The following CALD1 variants were observed in gnomAD, a reference collection of about 807,000 sequenced individuals.
The protein encoded by CALD1 is caldesmon 1, also known as caldesmon.
CALD1 carries 33 observed loss-of-function variants against 99.9 expected under a neutral mutation model. The ratio of observed to expected loss-of-function variants is 0.33; its 90% CI spans 0.25 to 0.44. The LOEUF is 0.44. Among genes scored for constraint, CALD1 ranks in the 20% least tolerant of loss-of-function variants. The pLI is 1.00. For missense variants in CALD1, 861 were observed against 962.1 expected (o/e 0.89, Z 1.39); for synonymous variants, 310 against 325.0 (o/e 0.95, Z 0.50).
rs1053708648 is a variant in CALD1, at chr7:134,887,797, C to T, written c.71+19993C>T. 6.1e-5 allele frequency among the ~76,000 whole-genome samples: 8 copies of T among 130,820 alleles called. No homozygotes were observed. The South Asian group carries it at 9.5e-4, about 16-fold the overall frequency. 85.8% of individuals were successfully genotyped at this position (130,820 alleles called of 152,430 possible). On this transcript the variant is annotated intron_variant, in intron 3 of 14. Coordinates refer to ENST00000361675, the MANE Select transcript of CALD1 (RefSeq NM_033138.4). The stretch of plus-strand genomic sequence containing the variant: ...GTATGTGTGTGCATGTGTATGTGTG[C>T]GCATGTGTATGTGTGTGCATGTGTG...
Position 134,779,744 on chromosome 7 carries a change from T to A in CALD1, c.-135T>A. The A allele has an allele frequency of 2.5e-6, 1 of 398,610 alleles. No homozygotes were observed. 24.7% of individuals were successfully genotyped at this position (398,610 alleles called of 1,614,324 possible). On this transcript the variant is annotated 5_prime_UTR_variant, in exon 1 of 15. Coordinates refer to ENST00000361675, the MANE Select transcript of CALD1 (RefSeq NM_033138.4). ...TAGTCCTCGGGAAGAAGTTTCAGAC[T>A]ACAAGGTAAGGCACAGAAGGCTTTC... is the stretch of plus-strand genomic sequence containing the variant.
chr7:134,731,017 T>G, the CALD1 span, among the ~76,000 whole-genome samples: 1 of 152,102 alleles, frequency 6.6e-6, no homozygotes, highest in African/African-American at 2.4e-5. Context: ...TCTGGTTCTG[T>G]CATCAACAGC....
chr7:134,834,298 T>C (rs1349069192), intron 1 of CALD1, among the ~76,000 whole-genome samples: 1 of 152,204 alleles, frequency 6.6e-6, no homozygotes, highest in Non-Finnish European at 1.5e-5. Flanking sequence ...AAAGGATCAG[T>C]TCTTGAGATA....
intron 3 of CALD1, among the ~76,000 whole-genome samples, chr7:134,914,646 A>ATGGAATTG (rs1804071332): frequency 6.6e-6 from 1 of 152,138 alleles, no homozygotes; most frequent in Non-Finnish European, 1.5e-5. Context: ...CCCTAGCCAG[A>ATGGAATTG]TGGAATTGTG....
intron 1 of CALD1, among the ~76,000 whole-genome samples, chr7:134,799,940 A>G (rs117766575): frequency 1.1e-3 from 174 of 152,316 alleles, no homozygotes; most frequent in Non-Finnish European, 2.1e-3. Context: ...AAGGGCCAAG[A>G]GGATGAAAAT....
intron 3 of CALD1, among the ~76,000 whole-genome samples, chr7:134,904,276 T>C (rs1803209988): frequency 6.6e-6 from 1 of 151,692 alleles, no homozygotes; most frequent in Admixed American, 6.6e-5. Context: ...GGATAATTAT[T>C]GAATACATTT....
At chr7:134,870,194 AAC>A (rs1801001398) in intron 3 of CALD1, among the ~76,000 whole-genome samples, 1 of 152,222 alleles carries the variant, frequency 6.6e-6, no homozygotes, top group African/African-American at 2.4e-5. Flanking sequence ...ACCAAAGTGT[AAC>A]AGAATCAGGA....
chr7:134,828,777 G>C (rs1449180121), intron 1 of CALD1, among the ~76,000 whole-genome samples: 1 of 152,196 alleles, frequency 6.6e-6, no homozygotes, highest in African/African-American at 2.4e-5. Flanking sequence ...AGTAGCAGCA[G>C]AGAAAATAGC....
intron 1 of CALD1, among the ~76,000 whole-genome samples, chr7:134,831,753 G>A (rs1352418759): frequency 1.3e-5 from 2 of 152,156 alleles, no homozygotes; most frequent in Non-Finnish European, 2.9e-5. Flanking sequence ...GAAGAGATCC[G>A]AGTTATCTGC....
intron 1 of CALD1, among the ~76,000 whole-genome samples, chr7:134,751,413 G>C (rs1288033890): frequency 2.0e-5 from 3 of 152,090 alleles, no homozygotes; most frequent in Non-Finnish European, 4.4e-5. Flanking sequence ...TCTTACACTT[G>C]TTGTCTTCCA....
rs1202991433 is a variant in CALD1, at chr7:134,865,029, G to A, written c.-41-2664G>A. Among the ~76,000 whole-genome samples, 6 of 152,044 alleles carry A rather than the reference G, an allele frequency of 3.9e-5. No homozygotes were observed. The East Asian group carries it at 1.2e-3, about 29-fold the overall frequency. On this transcript the variant is annotated intron_variant, in intron 2 of 14. Transcript: ENST00000361675. ...GACACCCAGAGCCTCACGACTGATG[G>A]AATCACCCTGTCTTGACTTTTCATC...
intron 1 of CALD1, among the ~76,000 whole-genome samples, chr7:134,759,831 A>C (rs1375630439): frequency 1.3e-5 from 2 of 152,250 alleles, no homozygotes; most frequent in African/African-American, 4.8e-5. Context: ...GTCAATGAAC[A>C]AGTAATCAAA....
intron 1 of CALD1, among the ~76,000 whole-genome samples, chr7:134,795,460 C>T (rs1585957660): frequency 6.6e-6 from 1 of 152,194 alleles, no homozygotes. Context: ...GTCAATTAAA[C>T]CTCTTTCCTT....
At chr7:134,849,179 C>G (rs1164021087) in intron 2 of CALD1, among the ~76,000 whole-genome samples, 1 of 152,208 alleles carries the variant, frequency 6.6e-6, no homozygotes, top group African/African-American at 2.4e-5. Flanking sequence ...TCTCATCCAC[C>G]TATCACACTT....
chr7:134,751,740 G>T (rs535849978), intron 1 of CALD1, among the ~76,000 whole-genome samples: 2 of 152,148 alleles, frequency 1.3e-5, no homozygotes, highest in Non-Finnish European at 2.9e-5. Flanking sequence ...ACTTCAGGAG[G>T]CCGAGGCAGT....
chr7:134,754,995 C>CT (rs34184651), intron 1 of CALD1, among the ~76,000 whole-genome samples: 90,994 of 148,158 alleles, frequency 0.61, 28,209 homozygotes, highest in East Asian at 0.95. Context: ...ATATATTTTA[C>CT]TTTTTTTTTA....
intron 1 of CALD1, among the ~76,000 whole-genome samples, chr7:134,818,825 G>T (rs1163419299): frequency 6.6e-6 from 1 of 152,078 alleles, no homozygotes; most frequent in Non-Finnish European, 1.5e-5. Context: ...ATGTGAAGTT[G>T]GTGTCTATGA....
At chr7:134,930,537 A>C (rs1805445204) in intron 4 of CALD1, among the ~76,000 whole-genome samples, 1 of 152,180 alleles carries the variant, frequency 6.6e-6, no homozygotes, top group Non-Finnish European at 1.5e-5. Flanking sequence ...AGAAGGTTTC[A>C]GAAAGCAGTC....
At chr7:134,845,225 A>G (rs1022395157) in intron 2 of CALD1, among the ~76,000 whole-genome samples, 7 of 152,208 alleles carry the variant, frequency 4.6e-5, no homozygotes, top group Admixed American at 2.6e-4. Flanking sequence ...TGCCTTTTAC[A>G]TCTCTCATAG....
Sources: gnomAD v4.1 joint callset for allele counts (sites outside exome capture counted in the v4.1 genomes callset) on GRCh38, gnomAD v4.1.1 for gene constraint, MANE v1.5 for transcripts, NCBI Gene and HGNC (gene_info 2026-07-23, HGNC 2026-07-21) for gene names.